Variants in HIVEP2 observed in about 807,000 individuals in gnomAD.
HIVEP2 encodes transcription factor HIVEP2.
A neutral mutation model predicts 180.7 loss-of-function variants in HIVEP2; 14 were observed. The ratio of observed to expected loss-of-function variants is 0.08; its 90% confidence interval spans 0.05 to 0.12. The LOEUF (loss-of-function observed/expected upper bound fraction) is 0.12, where lower values mean the gene tolerates loss of function less well. Ranked by LOEUF, HIVEP2 falls within the 10% of genes least tolerant of loss-of-function variation. The probability of loss-of-function intolerance (pLI) is 1.00; values close to 1 mark genes in which losing one functional copy is unlikely to be tolerated. For synonymous variants in HIVEP2, 1,184 were observed against 1,136.4 expected (o/e 1.04, Z -0.84); for missense variants, 2,579 against 3,008.5 (o/e 0.86, Z 3.34).
intron 2 of HIVEP2, among the ~76,000 whole-genome samples, chr6:142,825,522 T>C (rs1356957491): frequency 6.6e-6 from 1 of 152,212 alleles, no homozygotes; most frequent in Non-Finnish European, 1.5e-5. Flanking sequence ...TTATTCAATT[T>C]AGAAATCTCT....
Position 142,753,528 on chromosome 6 carries a change from TTCA to T in HIVEP2, c.6917_6919del (p.Met2306del), listed in dbSNP as rs752814263. 11 of 1,614,078 alleles carry T rather than the reference TTCA, an allele frequency of 6.8e-6. No homozygotes were observed. Among genetic ancestry groups the T allele is most frequent in the Non-Finnish European group, 9.3e-6 (11 of 1,180,046 alleles). On this transcript the variant is annotated inframe_deletion, in exon 10 of 10. Transcript: ENST00000367603. ...TAGGCTGTCTTCCGAAGTGCTCTGT[TTCA>T]TCAACAGCCGAGGAGAGGAGGGAGT...
At chr6:142,818,863 C>A (rs1776946196) in intron 2 of HIVEP2, among the ~76,000 whole-genome samples, 1 of 151,300 alleles carries the variant, frequency 6.6e-6, no homozygotes, top group Admixed American at 6.6e-5. Flanking sequence ...AGGAACCAGG[C>A]AAGGTGGGTC....
intron 2 of HIVEP2, among the ~76,000 whole-genome samples, chr6:142,787,032 G>A (rs1338111136): frequency 6.6e-6 from 1 of 151,998 alleles, no homozygotes; most frequent in African/African-American, 2.4e-5. Context: ...CAGCACTTTG[G>A]GAGGATTGCT....
intron 2 of HIVEP2, among the ~76,000 whole-genome samples, chr6:142,819,134 T>G (rs367658811): frequency 4.6e-5 from 7 of 151,916 alleles, no homozygotes; most frequent in Admixed American, 1.3e-4. Flanking sequence ...CTTGGGAGGC[T>G]GAGGCAGGAG....
chr6:142,881,780 T>A (rs560538538), intron 1 of HIVEP2, among the ~76,000 whole-genome samples: 4 of 152,256 alleles, frequency 2.6e-5, no homozygotes, highest in Non-Finnish European at 5.9e-5. Flanking sequence ...TCTCGCTGAG[T>A]TCCCAGTCTC....
chr6:142,772,143 A>G lies in HIVEP2; in HGVS notation c.2596T>C (p.Ser866Pro), dbSNP rs752280028. Residue 866 changes from serine (S) to proline (P), a missense_variant, in exon 5 of 10, where the codon TCT (serine) becomes CCT (proline). Transcript: ENST00000367603. The surrounding 1 kb of genome is among the most constrained non-coding windows in gnomAD (Gnocchi z 4.9). ...TAGGACTGCTGCTGCACCTGCTGAG[A>G]TGGAGAGGGTTTCCCCCCACTTTCT... is the stretch of plus-strand genomic sequence containing the variant. ...GAESGGKPSPSQQVQQQSYHT... is the reference protein window; with the variant it reads ...GAESGGKPSPPQQVQQQSYHT... 2.5e-6 allele frequency: 4 copies of G among 1,614,026 alleles called. No homozygotes were observed. The African/African-American group carries it at 4.0e-5, about 16-fold the overall frequency.
At chr6:142,899,421 T>A (rs774973750) in intron 1 of HIVEP2, among the ~76,000 whole-genome samples, 1 of 152,190 alleles carries the variant, frequency 6.6e-6, no homozygotes, top group African/African-American at 2.4e-5. Context: ...GTATTGCAGT[T>A]TTTTTACAGA....
chr6:142,761,116 A>G (rs1200384617), intron 8 of HIVEP2, among the ~76,000 whole-genome samples: 1 of 152,200 alleles, frequency 6.6e-6, no homozygotes, highest in Non-Finnish European at 1.5e-5. Context: ...GTTTCTTCTT[A>G]ACTTGAATAA....
intron 2 of HIVEP2, among the ~76,000 whole-genome samples, chr6:142,836,378 C>A (rs1399421564): frequency 6.6e-6 from 1 of 152,110 alleles, no homozygotes; most frequent in Non-Finnish European, 1.5e-5. Context: ...AGCCTAAACT[C>A]CTCCTGGTAA....
intron 1 of HIVEP2, among the ~76,000 whole-genome samples, chr6:142,910,384 C>T (rs1321005189): frequency 4.6e-5 from 7 of 152,154 alleles, no homozygotes; most frequent in East Asian, 1.9e-4. Flanking sequence ...AGGCAGATCA[C>T]GAGGTCAAGA....
intron 1 of HIVEP2, among the ~76,000 whole-genome samples, chr6:142,913,374 G>C (rs1034758419): frequency 3.3e-5 from 5 of 152,168 alleles, no homozygotes; most frequent in Non-Finnish European, 5.9e-5. Flanking sequence ...AAACCAGTTT[G>C]AGGGGGAAAA....
chr6:142,850,566 A>C (rs752379323), intron 1 of HIVEP2, among the ~76,000 whole-genome samples: 2 of 152,262 alleles, frequency 1.3e-5, no homozygotes, highest in African/African-American at 2.4e-5. Flanking sequence ...TTTAAAATCA[A>C]TGCAATAATA....
rs1353365095 is a variant in HIVEP2, at chr6:142,753,356, A to C, written c.7092T>G (p.Ser2364Arg). ...VQEPHQNPLG[S>R]AHVSIRHFSR... Reference sequence around the variant, plus strand: ...TAAAGTGTCTAATGCTAACATGTGCACTTCCCAGGGGGTTCTGGTGGGGCT... The same window carrying C: ...TAAAGTGTCTAATGCTAACATGTGCCCTTCCCAGGGGGTTCTGGTGGGGCT... Residue 2364 changes from serine to arginine, a missense_variant, in exon 10 of 10, where the codon AGT (serine) becomes AGG (arginine). Transcript: ENST00000367603. The C allele has an allele frequency of 1.1e-5, 18 of 1,614,120 alleles. No homozygotes were observed. The highest frequency in any genetic ancestry group is 1.4e-5 in the Non-Finnish European group (17 of 1,180,046).
At chr6:142,912,888 G>A (rs917130348) in intron 1 of HIVEP2, among the ~76,000 whole-genome samples, 4 of 152,202 alleles carry the variant, frequency 2.6e-5, no homozygotes, top group African/African-American at 9.7e-5. Flanking sequence ...TCATTCCTAC[G>A]AGGTAGATGC....
chr6:142,930,849 A>G (rs575840350), intron 1 of HIVEP2, among the ~76,000 whole-genome samples: 4 of 152,314 alleles, frequency 2.6e-5, no homozygotes, highest in South Asian at 4.1e-4. Flanking sequence ...TTATTACAAT[A>G]TAGTATTTTC....
intron 1 of HIVEP2, among the ~76,000 whole-genome samples, chr6:142,849,517 A>ATT (rs5880551): frequency 1.5e-5 from 2 of 131,802 alleles, no homozygotes; most frequent in Admixed American, 1.5e-4. Flanking sequence ...TTATTTATTT[A>ATT]TTTTTTTTTT....
intron 1 of HIVEP2, among the ~76,000 whole-genome samples, chr6:142,921,119 G>A (rs1054333915): frequency 5.9e-5 from 9 of 152,166 alleles, no homozygotes; most frequent in African/African-American, 1.9e-4. Flanking sequence ...TAGGACTGCC[G>A]GAGCTTAAAT....
At chr6:142,830,861 C>T (rs577571740) in intron 2 of HIVEP2, among the ~76,000 whole-genome samples, 1 of 152,110 alleles carries the variant, frequency 6.6e-6, no homozygotes, top group Non-Finnish European at 1.5e-5. Flanking sequence ...GCATGCACAT[C>T]CACACAAGCT....
chr6:142,765,095 AACTTT>A, intron 6 of HIVEP2, 121 bp from the exon 7 acceptor site: 1 of 850,834 alleles, frequency 1.2e-6, no homozygotes, highest in Non-Finnish European at 1.8e-6. Flanking sequence ...ACAATTATTC[AACTTT>A]ACTTCTACGA....
Sources: gnomAD v4.1 joint callset for allele counts (sites outside exome capture counted in the v4.1 genomes callset) on GRCh38, gnomAD v4.1.1 for gene constraint, Gnocchi (gnomAD v3.1) non-coding constraint, MANE v1.5 for transcripts, NCBI Gene and HGNC (gene_info 2026-07-23, HGNC 2026-07-21) for gene names.